Variants in HECW2 observed in about 807,000 individuals in gnomAD.
HECW2 encodes E3 ubiquitin-protein ligase HECW2.
A neutral mutation model predicts 175.2 loss-of-function variants in HECW2; 61 were observed. The observed-to-expected ratio is 0.35, with a 90% CI of 0.28 to 0.43. The LOEUF (loss-of-function observed/expected upper bound fraction) is 0.43. HECW2 is among the 20% of genes least tolerant of loss of function. The pLI is 1.00. For synonymous variants in HECW2, 671 were observed against 731.0 expected, an observed-to-expected ratio of 0.92 and a Z score of 1.32; for missense variants, 1,524 against 2,000.5, an observed-to-expected ratio of 0.76 and a Z score of 4.54.
chr2:196,332,391 GGACATA>G (rs1692398930), intron 4 of HECW2, among the ~76,000 whole-genome samples: 2 of 152,098 alleles, frequency 1.3e-5, no homozygotes, highest in Admixed American at 1.3e-4. Flanking sequence ...TTTCAATTTT[GGACATA>G]GACCAAACTG....
At chr2:196,271,082 T>A (rs4850693) in intron 17 of HECW2, 111 bp downstream of exon 17, 3 of 676,804 alleles carry the variant, frequency 4.4e-6, no homozygotes, top group Non-Finnish European at 5.2e-6. Flanking sequence ...CAAGATGTTT[T>A]GCAAAGGATG....
intron 2 of HECW2, among the ~76,000 whole-genome samples, chr2:196,410,604 C>A (rs1174302590): frequency 1.3e-5 from 2 of 152,054 alleles, no homozygotes; most frequent in Non-Finnish European, 2.9e-5. Flanking sequence ...TCCATGAAGT[C>A]TTGGAAATTC....
chr2:196,203,573 A>G lies in HECW2; in HGVS notation c.4608-2185T>C, dbSNP rs1201942798. Among the ~76,000 whole-genome samples, 3 of 152,286 alleles carry G rather than the reference A, an allele frequency of 2.0e-5. No individual in the cohort carries two copies. In the East Asian group the frequency reaches 5.8e-4, roughly 29 times the overall value. ...AGATGACACCACAATACTATTTTAC[A>G]ATTTTCATTTCTTTGGTTACCAATA... On this transcript the variant is annotated intron_variant, in intron 28 of 28. Transcript: ENST00000644978.
intron 1 of HECW2, among the ~76,000 whole-genome samples, chr2:196,553,346 G>A (rs999950753): frequency 1.3e-5 from 2 of 152,078 alleles, no homozygotes; most frequent in Non-Finnish European, 1.5e-5. Context: ...GTAACCTGTG[G>A]GTACTTGGCA....
In HECW2 at chr2:196,319,600, C is replaced by T. The variant is rs1456708739; in HGVS notation, c.1290G>A (p.Arg430=). The T allele has an allele frequency of 1.3e-5, 21 of 1,614,076 alleles. No individual in the cohort carries two copies. Among genetic ancestry groups the T allele is most frequent in the Non-Finnish European group, 1.5e-5 (18 of 1,180,032 alleles). Residue 430 remains arginine, a synonymous_variant, in exon 9 of 29, where the codon AGG becomes AGA. Transcript: ENST00000644978. ...TCTCAGAGCAGGTCGCTGTCCCCGG[C>T]CTGGAGTGGCCATTGTGTTCGATAG... is the stretch of plus-strand genomic sequence containing the variant. The part of the protein sequence containing the change: ...LDAIEHNGHS[R]PGTATCSERS...
intron 1 of HECW2, among the ~76,000 whole-genome samples, chr2:196,505,238 T>C (rs1183569774): frequency 6.6e-6 from 1 of 151,974 alleles, no homozygotes; most frequent in African/African-American, 2.4e-5. Context: ...AAAACAGCAA[T>C]TAATAAACGA....
At chr2:196,496,114 AGT>A (rs1242528591) in intron 1 of HECW2, among the ~76,000 whole-genome samples, 2 of 152,162 alleles carry the variant, frequency 1.3e-5, no homozygotes, top group Admixed American at 1.3e-4. Context: ...GTTTTCAATA[AGT>A]ACAGAGGTTG....
rs1694774439 is a variant in HECW2, at chr2:196,399,931, A to G, written c.292+33201T>C. Among the ~76,000 whole-genome samples the G allele has an allele frequency of 2.6e-5, 4 of 152,210 alleles. 1 individual carries two copies. The South Asian group carries it at 8.3e-4, about 31-fold the overall frequency. On this transcript the variant is annotated intron_variant, in intron 2 of 28. Coordinates refer to ENST00000644978, the MANE Select transcript of HECW2 (RefSeq NM_001348768.2). The stretch of plus-strand genomic sequence containing the variant: ...ATTAGTATAAGAAAGGGTCCTCAGG[A>G]ATTAAGTAGACTCCTGGAGAAGGTC...
chr2:196,393,812 C>T (rs1374237491), intron 2 of HECW2, among the ~76,000 whole-genome samples: 1 of 152,170 alleles, frequency 6.6e-6, no homozygotes, highest in Non-Finnish European at 1.5e-5. Flanking sequence ...GGTATATACC[C>T]AAAGGATGAT....
At chr2:196,494,129 G>C (rs564300013) in intron 1 of HECW2, among the ~76,000 whole-genome samples, 1 of 152,178 alleles carries the variant, frequency 6.6e-6, no homozygotes, top group African/African-American at 2.4e-5. Context: ...CCGAGCATAG[G>C]GGAATGAAAG....
intron 10 of HECW2, among the ~76,000 whole-genome samples, chr2:196,311,777 A>C (rs938794938): frequency 1.3e-5 from 2 of 152,214 alleles, no homozygotes; most frequent in African/African-American, 4.8e-5. Flanking sequence ...AGCCTGGGTA[A>C]CAGAGTTGGA....
chr2:196,211,212 T>C (rs1687271386), intron 28 of HECW2, among the ~76,000 whole-genome samples: 1 of 152,200 alleles, frequency 6.6e-6, no homozygotes. Flanking sequence ...ACCTGGGGGA[T>C]GAACACAGAA....
At chr2:196,415,323 A>C (rs1402016076) in intron 2 of HECW2, among the ~76,000 whole-genome samples, 1 of 152,224 alleles carries the variant, frequency 6.6e-6, no homozygotes, top group Non-Finnish European at 1.5e-5. Context: ...GAGATTGAAA[A>C]AATGGCATTT....
intron 19 of HECW2, among the ~76,000 whole-genome samples, chr2:196,248,042 C>T (rs755203708): frequency 1.9e-4 from 29 of 152,220 alleles, no homozygotes; most frequent in Admixed American, 7.9e-4. Context: ...TGGAACATAG[C>T]TCAACGCTGG....
At chr2:196,333,403 T>C (rs13024170) in intron 4 of HECW2, among the ~76,000 whole-genome samples, 4,862 of 152,254 alleles carry the variant, frequency 0.032, 128 homozygotes, top group South Asian at 0.052. Context: ...AGAGACAGCA[T>C]AGGGTGAGTC....
intron 1 of HECW2, among the ~76,000 whole-genome samples, chr2:196,536,542 G>A (rs562556585): frequency 8.5e-5 from 13 of 152,222 alleles, no homozygotes; most frequent in African/African-American, 1.7e-4. Flanking sequence ...TTCCTCTACC[G>A]ACAAGCGAAG....
At chr2:196,431,624 C>T (rs144331961) in intron 2 of HECW2, among the ~76,000 whole-genome samples, 195 of 152,208 alleles carry the variant, frequency 1.3e-3, no homozygotes, top group Non-Finnish European at 2.3e-3. Flanking sequence ...AAATTACATT[C>T]AAATCAAAAG....
Position 196,510,878 on chromosome 2 carries a change from G to A in HECW2, c.-35-77420C>T, listed in dbSNP as rs117618004. On this transcript the variant is annotated intron_variant, in intron 1 of 28. Coordinates refer to ENST00000644978, the MANE Select transcript of HECW2 (RefSeq NM_001348768.2). ...AGCAATTAGTAGTGAGGACTATGAG[G>A]ACTACTCCCCCATTCTCTTGAAAAA... Among the ~76,000 whole-genome samples, 48 of 152,232 alleles carry A rather than the reference G, an allele frequency of 3.2e-4. No homozygotes were observed. The East Asian group carries it at 9.1e-3, about 29-fold the overall frequency.
At chr2:196,213,452 C>A (rs1687362256) in intron 28 of HECW2, among the ~76,000 whole-genome samples, 2 of 152,160 alleles carry the variant, frequency 1.3e-5, no homozygotes, top group South Asian at 4.1e-4. Context: ...TAGATCTGTG[C>A]TCCTGCGTGT....
Sources: allele counts gnomAD v4.1 joint callset (sites outside exome capture counted in the v4.1 genomes callset), GRCh38; gene constraint gnomAD v4.1.1; transcripts MANE v1.5; gene names NCBI Gene and HGNC (gene_info 2026-07-23, HGNC 2026-07-21).